IGLL5: variants seen among roughly 807,000 people sequenced by gnomAD.
IGLL5 encodes immunoglobulin lambda like polypeptide 5, also known as immunoglobulin lambda-like polypeptide 5.
IGLL5 carries 30 observed loss-of-function variants against 20.9 expected under a neutral mutation model. The observed-to-expected ratio is 1.44, with a 90% confidence interval of 1.07 to 1.95. IGLL5 has a LOEUF of 1.95. Among genes scored for constraint, IGLL5 ranks in the 30% most tolerant of loss-of-function variants. The probability of loss-of-function intolerance (pLI) is 0.00; values close to 1 mark genes in which losing one functional copy is unlikely to be tolerated. For synonymous variants in IGLL5, 203 were observed against 117.3 expected, an observed-to-expected ratio of 1.73 and a Z score of -4.72; for missense variants, 475 against 270.7, an observed-to-expected ratio of 1.75 and a Z score of -5.30.
At chr22:22,888,894 G>A (rs545589441) in intron 1 of IGLL5, among the ~76,000 whole-genome samples, 3 of 151,406 alleles carry the variant, frequency 2.0e-5, no homozygotes, top group South Asian at 2.1e-4. Flanking sequence ...TGCCCAGGCT[G>A]GTCTCACAGA....
Position 22,888,107 on chromosome 22 carries a change from T to C in IGLL5, c.54T>C (p.Pro18=), listed in dbSNP as rs544538002. ...VGCETPEELG[P]GPRQRWPLLL... is the part of the protein sequence containing the mutation. Reference sequence around the variant, plus strand: ...GTGAGACCCCTGAGGAGCTGGGCCCTGGTCCCAGGCAGCGCTGGCCCCTGC... The same window carrying C: ...GTGAGACCCCTGAGGAGCTGGGCCCCGGTCCCAGGCAGCGCTGGCCCCTGC... The change falls in exon 1 of 3, where the codon CCT becomes CCC. Residue 18 remains proline, a synonymous_variant. Coordinates refer to ENST00000526893, the MANE Select transcript of IGLL5 (RefSeq NM_001178126.2). 438 of 1,549,452 alleles carry C rather than the reference T, an allele frequency of 2.8e-4. 2 individuals are homozygous for C. In the Middle Eastern group the frequency reaches 5.0e-3, roughly 18 times the overall value.
At chr22:22,894,766 G>T (rs2066695101) in intron 2 of IGLL5, among the ~76,000 whole-genome samples, 1 of 151,358 alleles carries the variant, frequency 6.6e-6, no homozygotes, top group South Asian at 2.1e-4. Context: ...TGTGGAGACA[G>T]GAAACATCTC....
At chr22:22,894,628 C>T (rs565829068) in intron 2 of IGLL5, among the ~76,000 whole-genome samples, 9 of 150,930 alleles carry the variant, frequency 6.0e-5, no homozygotes, top group South Asian at 2.1e-4. Context: ...GTGCAGAGAA[C>T]TCCATGGCTA....
intron 1 of IGLL5, among the ~76,000 whole-genome samples, chr22:22,889,021 C>G (rs576449013): frequency 2.6e-5 from 4 of 151,308 alleles, no homozygotes; most frequent in Admixed American, 6.6e-5. Flanking sequence ...GGCAAGAAGA[C>G]CATAGGGTCC....
chr22:22,889,419 T>G (rs559761696), intron 1 of IGLL5, among the ~76,000 whole-genome samples: 2 of 151,256 alleles, frequency 1.3e-5, no homozygotes, highest in East Asian at 2.0e-4. Flanking sequence ...ACTGGGCAAT[T>G]CCACTTCTAG....
chr22:22,888,043 C>T lies in IGLL5; in HGVS notation c.-11C>T, dbSNP rs528299670. ...AAGTCGGGCCAGAGGTGCCCCTGAA[C>T]CTGAAGGCCAATGAGACCCAAGACA... On this transcript the variant is annotated 5_prime_UTR_variant, in exon 1 of 3. Coordinates refer to ENST00000526893, the MANE Select transcript of IGLL5 (RefSeq NM_001178126.2). The T allele has an allele frequency of 9.0e-6, 14 of 1,548,462 alleles. No individual in the cohort carries two copies. In the Admixed American group the frequency reaches 9.8e-5, roughly 11 times the overall value.
Position 22,895,960 on chromosome 22 carries a change from G to A in IGLL5, c.*266G>A. 1.7e-6 allele frequency: 1 copy of A among 579,716 alleles called. No homozygotes were observed. The highest frequency in any genetic ancestry group is 2.9e-5 in the East Asian group (1 of 33,974). 35.9% of individuals were successfully genotyped at this position (579,716 alleles called of 1,614,324 possible). On this transcript the variant is annotated 3_prime_UTR_variant, in exon 3 of 3. Transcript: ENST00000526893. ...AAGGGAGGAGGCTCACAGCCTCCCTGAGTCATCTCCCCAGAGGGTCCTTCC... is the reference window on the plus strand; with the variant it reads ...AAGGGAGGAGGCTCACAGCCTCCCTAAGTCATCTCCCCAGAGGGTCCTTCC...
At chr22:22,894,392 A>T (rs1473630112) in intron 2 of IGLL5, among the ~76,000 whole-genome samples, 2 of 151,470 alleles carry the variant, frequency 1.3e-5, no homozygotes, top group South Asian at 2.1e-4. Context: ...CTGGGTCATG[A>T]GGACATGGGG....
At chr22:22,894,479 C>T (rs570851807) in intron 2 of IGLL5, among the ~76,000 whole-genome samples, 1 of 151,366 alleles carries the variant, frequency 6.6e-6, no homozygotes, top group African/African-American at 2.4e-5. Context: ...AGGAGACAGT[C>T]TCTTAGGGCA....
chr22:22,894,381 G>T (rs569587621), intron 2 of IGLL5, among the ~76,000 whole-genome samples: 6 of 151,438 alleles, frequency 4.0e-5, no homozygotes, highest in Middle Eastern at 3.7e-3. Flanking sequence ...TGTGGCCTGT[G>T]CTGGGTCATG....
chr22:22,888,435 TA>T, intron 1 of IGLL5, among the ~76,000 whole-genome samples, 176 bp downstream of exon 1: 1 of 151,382 alleles, frequency 6.6e-6, no homozygotes, highest in South Asian at 2.1e-4. Context: ...TTGTTTGAAT[TA>T]CTGTTTTTAA....
chr22:22,888,505 T>C (rs2067607433), intron 1 of IGLL5, among the ~76,000 whole-genome samples: 3 of 151,460 alleles, frequency 2.0e-5, no homozygotes, highest in Middle Eastern at 3.7e-3. Flanking sequence ...ACTTAAATTT[T>C]CACCAGGGTC....
At chr22:22,893,973 C>T (rs2067959212) in intron 2 of IGLL5, among the ~76,000 whole-genome samples, 155 bp downstream of exon 2, 3 of 151,510 alleles carry the variant, frequency 2.0e-5, no homozygotes, top group Middle Eastern at 3.7e-3. Context: ...GCATTAGTCT[C>T]CGGGTAACCG....
chr22:22,888,303 G>C (rs560332193), intron 1 of IGLL5, 44 bp downstream of exon 1: 3 of 1,532,742 alleles, frequency 2.0e-6, no homozygotes, highest in Admixed American at 2.0e-5. Context: ...TCCTGCAGCA[G>C]AGCTGGGAAA....
chr22:22,889,187 G>C (rs2145992503), intron 1 of IGLL5, among the ~76,000 whole-genome samples: 1 of 151,210 alleles, frequency 6.6e-6, no homozygotes, highest in East Asian at 2.0e-4. Flanking sequence ...GCCAAGTCCA[G>C]GGTAGGTGGG....
intron 1 of IGLL5, among the ~76,000 whole-genome samples, chr22:22,889,447 T>C (rs151009823): frequency 1.3e-5 from 2 of 151,204 alleles, no homozygotes; most frequent in African/African-American, 2.4e-5. Flanking sequence ...TCCTAAGGGT[T>C]GGTTGGGGGA....
chr22:22,890,535 T>G (rs74901509), intron 1 of IGLL5, among the ~76,000 whole-genome samples: 1 of 127,014 alleles, frequency 7.9e-6, no homozygotes, highest in African/African-American at 2.9e-5. Context: ...AAATGACAAA[T>G]GATGCTGCAG....
rs555906838 is a variant in IGLL5 at position 22,888,252 on chromosome 22, T to A, written c.199T>A (p.Trp67Arg). The change falls in exon 1 of 3, where the codon TGG (tryptophan) becomes AGG (arginine). Residue 67 changes from tryptophan to arginine, a missense_variant. Trp to Arg is a moderately radical substitution (Grantham distance 101). Coordinates refer to ENST00000526893, the MANE Select transcript of IGLL5 (RefSeq NM_001178126.2). ...CAGCCGATCCAGCCTGCGGAGCCTG[T>A]GGGGCAGGTAAGGGGCAAGAGATTC... is the stretch of plus-strand genomic sequence containing the variant. ...GSSRSSLRSL[W>R]GRLLLQPSPQ... 3.2e-6 allele frequency: 5 copies of A among 1,547,220 alleles called. No individual in the cohort carries two copies. The African/African-American group carries it at 5.5e-5, about 17-fold the overall frequency.
At position 22,895,457 on chromosome 22, in the gene IGLL5, T is replaced by A. The variant is rs565895977; in HGVS notation, c.408T>A (p.Cys136Ter). ...ELQANKATLVCLISDFYPGAV... is the reference protein window; with the variant it reads ...ELQANKATLV ...AAGCCAACAAGGCCACACTAGTGTG[T>A]CTGATCAGTGACTTCTACCCGGGAG... Residue 136 changes from cysteine to a stop codon, truncating the protein, a stop_gained, in exon 3 of 3, where the codon TGT becomes TGA. Transcript: ENST00000526893. LOFTEE classifies it high-confidence loss of function. The A allele has an allele frequency of 6.2e-7, 1 of 1,612,658 alleles. No individual in the cohort carries two copies. Among genetic ancestry groups the A allele is most frequent in the South Asian group, 1.1e-5 (1 of 90,808 alleles).
Sources: allele counts gnomAD v4.1 joint callset (sites outside exome capture counted in the v4.1 genomes callset), GRCh38; gene constraint gnomAD v4.1.1; transcripts MANE v1.5; gene names NCBI Gene and HGNC (gene_info 2026-07-23, HGNC 2026-07-21).